HTR2A: variants seen among roughly 807,000 people sequenced by gnomAD.
HTR2A encodes 5-HT2 receptor.
HTR2A carries 14 observed loss-of-function variants against 31.0 expected under a neutral mutation model. That is an observed-to-expected ratio of 0.45 (90% confidence interval 0.30 to 0.71). The LOEUF (loss-of-function observed/expected upper bound fraction) is 0.71, where lower values mean the gene tolerates loss of function less well. HTR2A is among the 30% of genes least tolerant of loss of function. The pLI is 0.09. For missense variants in HTR2A, 442 were observed against 573.3 expected (o/e 0.77, Z 2.34); for synonymous variants, 209 against 225.2 (o/e 0.93, Z 0.64).
chr13:46,884,969 G>T (rs1950995198), intron 3 of HTR2A, among the ~76,000 whole-genome samples: 1 of 151,896 alleles, frequency 6.6e-6, no homozygotes, highest in Admixed American at 6.6e-5. Flanking sequence ...AAATACAGTG[G>T]TCCCCCCTTG....
At chr13:46,867,760 A>G (rs758080467) in intron 3 of HTR2A, among the ~76,000 whole-genome samples, 4 of 152,164 alleles carry the variant, frequency 2.6e-5, no homozygotes, top group Non-Finnish European at 5.9e-5. Context: ...GACTTGTGCA[A>G]CTACTGCAAG....
intron 3 of HTR2A, among the ~76,000 whole-genome samples, chr13:46,840,383 C>T (rs1950589157): frequency 6.6e-6 from 1 of 152,098 alleles, no homozygotes; most frequent in Non-Finnish European, 1.5e-5. Flanking sequence ...TGTCAGTTAC[C>T]CAAAAGCTGT....
chr13:46,847,519 A>G (rs1950651847), intron 3 of HTR2A, among the ~76,000 whole-genome samples: 1 of 152,218 alleles, frequency 6.6e-6, no homozygotes, highest in Non-Finnish European at 1.5e-5. Context: ...AGTTCAATAT[A>G]ATAAGAAACA....
intron 3 of HTR2A, among the ~76,000 whole-genome samples, chr13:46,846,856 T>C (rs943900907): frequency 6.6e-6 from 1 of 152,162 alleles, no homozygotes; most frequent in African/African-American, 2.4e-5. Flanking sequence ...ACGGAATCAG[T>C]TTCTCACCCA....
chr13:46,834,794 C>G lies in HTR2A; in HGVS notation c.*43G>C. 1 of 1,469,866 alleles carries G rather than the reference C, an allele frequency of 6.8e-7. No individual in the cohort carries two copies. The highest frequency in any genetic ancestry group is 9.2e-7 in the Non-Finnish European group (1 of 1,085,352). The allele number at this position is 1,469,866 out of a possible 1,614,324, so 91.1% of individuals were successfully genotyped here. On this transcript the variant is annotated 3_prime_UTR_variant, in exon 4 of 4. Transcript: ENST00000542664. ...TTTTTTTTTTCCAGATAGGTGAAAACTTGCTCAGTGTGCCTTCCACAGTTG... is the reference window on the plus strand; with the variant it reads ...TTTTTTTTTTCCAGATAGGTGAAAAGTTGCTCAGTGTGCCTTCCACAGTTG...
intron 3 of HTR2A, among the ~76,000 whole-genome samples, chr13:46,847,635 T>C (rs1950652760): frequency 6.6e-6 from 1 of 152,244 alleles, no homozygotes; most frequent in African/African-American, 2.4e-5. Flanking sequence ...TCTTTTGGGT[T>C]CTTCTTTATT....
Position 46,896,793 on chromosome 13 carries a change from T to A in HTR2A, c.-448A>T. The A allele has an allele frequency of 6.5e-7, 1 of 1,536,978 alleles. No homozygotes were observed. Among genetic ancestry groups the A allele is most frequent in the Non-Finnish European group, 8.7e-7 (1 of 1,146,750 alleles). ...TTGATCTTCCACCAGCATAATATGA[T>A]AGTAATTTGGTTTCTGTTTTGCTGA... On this transcript the variant is annotated 5_prime_UTR_variant, in exon 1 of 4. Transcript: ENST00000542664.
intron 3 of HTR2A, among the ~76,000 whole-genome samples, chr13:46,860,499 G>C (rs1950771238): frequency 6.6e-6 from 1 of 152,042 alleles, no homozygotes; most frequent in South Asian, 2.1e-4. Context: ...ATGTTCTTTT[G>C]GATTGAAGAC....
At chr13:46,892,342 G>A (rs371007808) in intron 3 of HTR2A, 48 bp downstream of exon 3, 59 of 1,552,098 alleles carry the variant, frequency 3.8e-5, no homozygotes, top group Non-Finnish European at 5.3e-5. Flanking sequence ...TTTTCAGAAA[G>A]CACGAACTGT....
intron 3 of HTR2A, among the ~76,000 whole-genome samples, chr13:46,848,020 G>T (rs1176793082): frequency 6.6e-6 from 1 of 152,066 alleles, no homozygotes; most frequent in Admixed American, 6.6e-5. Context: ...CAACAGTCTG[G>T]TTGGCTGAGA....
intron 3 of HTR2A, among the ~76,000 whole-genome samples, chr13:46,849,548 G>A (rs1229571700): frequency 1.3e-5 from 2 of 152,084 alleles, no homozygotes; most frequent in Non-Finnish European, 2.9e-5. Flanking sequence ...CTACACTTGA[G>A]CTGGACTGGC....
At chr13:46,867,999 C>G (rs1481675308) in intron 3 of HTR2A, among the ~76,000 whole-genome samples, 1 of 151,834 alleles carries the variant, frequency 6.6e-6, no homozygotes, top group Non-Finnish European at 1.5e-5. Context: ...AATGGTTCAT[C>G]AATTGTCCCA....
chr13:46,873,278 T>C (rs1315134009), intron 3 of HTR2A, among the ~76,000 whole-genome samples: 1 of 151,998 alleles, frequency 6.6e-6, no homozygotes, highest in African/African-American at 2.4e-5. Context: ...TTCCATTTTT[T>C]GTTTTAACTC....
At chr13:46,894,348 C>T (rs1051910492) in intron 2 of HTR2A, among the ~76,000 whole-genome samples, 2 of 152,162 alleles carry the variant, frequency 1.3e-5, no homozygotes, top group South Asian at 2.1e-4. Flanking sequence ...TGGAGTTTGC[C>T]CCCTAGGGGA....
chr13:46,890,618 C>T (rs1208366993), intron 3 of HTR2A, among the ~76,000 whole-genome samples: 2 of 152,132 alleles, frequency 1.3e-5, no homozygotes, highest in Admixed American at 1.3e-4. Flanking sequence ...AAACTGTTAC[C>T]TTACTACTGG....
chr13:46,837,935 A>G lies in HTR2A; in HGVS notation c.614-2296T>C, dbSNP rs1263394792. Among the ~76,000 whole-genome samples the G allele has an allele frequency of 3.9e-5, 6 of 152,200 alleles. 1 individual carries two copies. The highest frequency in any genetic ancestry group is 1.2e-4 in the African/African-American group (5 of 41,460). On this transcript the variant is annotated intron_variant, in intron 3 of 3. Coordinates refer to ENST00000542664, the MANE Select transcript of HTR2A (RefSeq NM_000621.5). The stretch of plus-strand genomic sequence containing the variant: ...TGACATCAGAGCTGTTCATAAGGAC[A>G]CTTATTGTGGCTAATGACTCTTCAT...
At chr13:46,892,935 T>C (rs2070037) in intron 2 of HTR2A, among the ~76,000 whole-genome samples, 29,891 of 152,118 alleles carry the variant, frequency 0.2, 3,468 homozygotes, top group East Asian at 0.34. Flanking sequence ...GTGTTTTGGC[T>C]CCTCTTCTGG....
chr13:46,885,753 C>T (rs1267330750), intron 3 of HTR2A, among the ~76,000 whole-genome samples: 1 of 152,208 alleles, frequency 6.6e-6, no homozygotes, highest in African/African-American at 2.4e-5. Flanking sequence ...TGGCTGTCTT[C>T]ACTAACTTCA....
rs1435611625 is a variant in HTR2A at position 46,895,669 on chromosome 13, G to A, written c.238C>T (p.Leu80=). 1 of 1,614,084 alleles carries A rather than the reference G, an allele frequency of 6.2e-7. No homozygotes were observed. Among genetic ancestry groups the A allele is most frequent in the African/African-American group, 1.3e-5 (1 of 74,916 alleles). ...HLQEKNWSAL[L]TAVVIILTIA... ...GTTAGAATAATCACTACGGCTGTCA[G>A]TAAAGCAGACCAGTTTTTTTCCTGG... Residue 80 remains leucine (L), a synonymous_variant, in exon 2 of 4, where the codon CTG becomes TTG. Transcript: ENST00000542664. This position sits in a 1 kb window ranked among gnomAD's most constrained non-coding sequence, Gnocchi z 4.4.
Sources: allele counts gnomAD v4.1 joint callset (sites outside exome capture counted in the v4.1 genomes callset), GRCh38; gene constraint gnomAD v4.1.1; non-coding constraint Gnocchi (gnomAD v3.1); transcripts MANE v1.5; gene names NCBI Gene and HGNC (gene_info 2026-07-23, HGNC 2026-07-21).